Variants in TFEB observed in about 807,000 individuals in gnomAD.
TFEB encodes T-cell transcription factor EB.
In TFEB, 12 loss-of-function variants were observed where a neutral mutation model predicts 48.0. The observed-to-expected ratio is 0.25, with a 90% CI of 0.16 to 0.40. TFEB has a LOEUF of 0.40. Ranked by LOEUF, TFEB falls within the 10% of genes least tolerant of loss-of-function variation. The pLI, the probability that TFEB is intolerant of heterozygous loss-of-function variation, is 1.00. For synonymous variants in TFEB, 244 were observed against 261.4 expected, an observed-to-expected ratio of 0.93 and a Z score of 0.64; for missense variants, 509 against 640.3, an observed-to-expected ratio of 0.79 and a Z score of 2.21.
At position 41,734,569 on chromosome 6, in the gene TFEB, G is replaced by T. The variant is rs1220843982; in HGVS notation, c.-23+781C>A. On this transcript the variant is annotated intron_variant, in intron 1 of 8. Coordinates refer to ENST00000373033, the MANE Select transcript of TFEB (RefSeq NM_001271944.2). This position sits in a 1 kb window ranked among gnomAD's most constrained non-coding sequence, Gnocchi z 4.0. Reference sequence around the variant, plus strand: ...TTTTCCGGGATTCGGGACCGAGACGGGGGGAGGGGGAAACTCGGGGGGCGG... The same window carrying T: ...TTTTCCGGGATTCGGGACCGAGACGTGGGGAGGGGGAAACTCGGGGGGCGG... Among the ~76,000 whole-genome samples the T allele has an allele frequency of 4.7e-5, 7 of 147,776 alleles. No homozygotes were observed. The highest frequency in any genetic ancestry group is 1.5e-4 in the African/African-American group (6 of 40,042).
intron 1 of TFEB, among the ~76,000 whole-genome samples, chr6:41,701,944 C>CAAAAAAAAA (rs58971184): frequency 9.1e-6 from 1 of 109,692 alleles, no homozygotes; most frequent in African/African-American, 3.3e-5. Flanking sequence ...GGCTCCGTCT[C>CAAAAAAAAA]AAAAAAAAAA....
intron 1 of TFEB, chr6:41,733,853 T>C: frequency 1.0e-6 from 1 of 985,694 alleles, no homozygotes. Flanking sequence ...CATCCGCATC[T>C]GTCCACCCAG....
chr6:41,701,772 C>G (rs1769937514), intron 1 of TFEB, among the ~76,000 whole-genome samples: 1 of 151,852 alleles, frequency 6.6e-6, no homozygotes, highest in Admixed American at 6.6e-5. Context: ...TGGTGAAACC[C>G]TGTCTCTACT....
At chr6:41,711,777 A>G (rs968116005) in intron 1 of TFEB, among the ~76,000 whole-genome samples, 1 of 152,212 alleles carries the variant, frequency 6.6e-6, no homozygotes, top group Non-Finnish European at 1.5e-5. Flanking sequence ...CAAAAGGGTC[A>G]TGTCTGGGCA....
At position 41,687,896 on chromosome 6, in the gene TFEB, G is replaced by A; in HGVS notation, c.670+12C>T. ...GGGTATTCAAAGGCACAGGGGTAGA[G>A]GGAGGCAGTACCTGTGAGCTCTCGC... On this transcript the variant is annotated intron_variant, in intron 5 of 8. Coordinates refer to ENST00000373033, the MANE Select transcript of TFEB (RefSeq NM_001271944.2). 3 of 1,612,358 alleles carry A rather than the reference G, an allele frequency of 1.9e-6. No individual in the cohort carries two copies. Among genetic ancestry groups the A allele is most frequent in the South Asian group, 1.1e-5 (1 of 90,970 alleles).
At chr6:41,686,509 T>TTTC in intron 7 of TFEB, 1 of 38,234 alleles carries the variant, frequency 2.6e-5, no homozygotes, top group East Asian at 9.7e-4. Flanking sequence ...CCTACCTTTC[T>TTTC]TTTTTTTTTT....
intron 4 of TFEB, 91 bp downstream of exon 4, chr6:41,689,640 C>T: frequency 1.0e-6 from 1 of 981,550 alleles, no homozygotes; most frequent in South Asian, 1.4e-5. Flanking sequence ...CCAGTGAGAA[C>T]CCTGTCTCCA....
intron 1 of TFEB, among the ~76,000 whole-genome samples, chr6:41,707,213 C>T (rs1485598748): frequency 6.6e-6 from 1 of 152,206 alleles, no homozygotes; most frequent in East Asian, 1.9e-4. Context: ...CTGTTCTCCT[C>T]CCAACAACAC....
At chr6:41,716,975 G>A (rs968797992) in intron 1 of TFEB, among the ~76,000 whole-genome samples, 4 of 152,160 alleles carry the variant, frequency 2.6e-5, no homozygotes, top group Admixed American at 1.3e-4. Context: ...CCAGGTGACC[G>A]GCCACCCTCC....
intron 1 of TFEB, among the ~76,000 whole-genome samples, chr6:41,725,753 C>A (rs1027042344): frequency 6.6e-6 from 1 of 152,116 alleles, no homozygotes; most frequent in Non-Finnish European, 1.5e-5. Flanking sequence ...CAAACATACC[C>A]CAAAATTATA....
rs1771133408 is a variant in TFEB at position 41,724,696 on chromosome 6, T to C, written c.-23+10654A>G. ...AATACCTCTTATCACCCCCACAACC[T>C]TGGACTCCCATCCAGCTAAGGACAA... On this transcript the variant is annotated intron_variant, in intron 1 of 8. Transcript: ENST00000373033. This position sits in a 1 kb window ranked among gnomAD's most constrained non-coding sequence, Gnocchi z 4.4. Among the ~76,000 whole-genome samples the C allele has an allele frequency of 6.6e-6, 1 of 152,138 alleles. No homozygotes were observed. Among genetic ancestry groups the C allele is most frequent in the Admixed American group, 6.5e-5 (1 of 15,280 alleles).
chr6:41,694,647 C>T (rs1479565852), intron 1 of TFEB, among the ~76,000 whole-genome samples: 3 of 152,150 alleles, frequency 2.0e-5, no homozygotes, highest in Admixed American at 6.5e-5. Flanking sequence ...GGTCCACTCT[C>T]AGCCTCCCCT....
Position 41,735,412 on chromosome 6 carries a change from T to A in TFEB, c.-85A>T. 1.0e-6 allele frequency: 1 copy of A among 985,516 alleles called. No homozygotes were observed. Among genetic ancestry groups the A allele is most frequent in the South Asian group, 4.7e-5 (1 of 21,298 alleles). The allele number at this position is 985,516 out of a possible 1,614,324, so 61.0% of individuals were successfully genotyped here. On this transcript the variant is annotated 5_prime_UTR_variant, in exon 1 of 9. Transcript: ENST00000373033. ...CGCGGCTCCGGCAACTTGTCGCAAGTTCGGGTGCCTGGCCCGCAAGCTGTG... is the reference window on the plus strand; with the variant it reads ...CGCGGCTCCGGCAACTTGTCGCAAGATCGGGTGCCTGGCCCGCAAGCTGTG...
At chr6:41,712,202 C>T (rs766785217) in intron 1 of TFEB, among the ~76,000 whole-genome samples, 22 of 152,192 alleles carry the variant, frequency 1.4e-4, no homozygotes, top group Admixed American at 7.2e-4. Context: ...AATGAACCCC[C>T]ATGTTTCTCA....
rs1430624563 is a variant in TFEB, at chr6:41,724,652, T to G, written c.-23+10698A>C. Among the ~76,000 whole-genome samples, 2 of 152,088 alleles carry G rather than the reference T, an allele frequency of 1.3e-5. No individual in the cohort carries two copies. Among genetic ancestry groups the G allele is most frequent in the African/African-American group, 4.8e-5 (2 of 41,414 alleles). On this transcript the variant is annotated intron_variant, in intron 1 of 8. Coordinates refer to ENST00000373033, the MANE Select transcript of TFEB (RefSeq NM_001271944.2). This position sits in a 1 kb window ranked among gnomAD's most constrained non-coding sequence, Gnocchi z 4.4. ...GCCGCCCGAGACCTGCAATGGGGCC[T>G]CAGATAAGGAACATGATAAATACCT...
At chr6:41,701,936 C>A (rs1278300615) in intron 1 of TFEB, among the ~76,000 whole-genome samples, 1 of 137,296 alleles carries the variant, frequency 7.3e-6, no homozygotes, top group Non-Finnish European at 1.5e-5. Context: ...CAGAGCAAGG[C>A]TCCGTCTCAA....
chr6:41,702,182 T>C (rs1224855693), intron 1 of TFEB, among the ~76,000 whole-genome samples: 4 of 151,680 alleles, frequency 2.6e-5, no homozygotes, highest in Non-Finnish European at 4.4e-5. Context: ...CCTACAGAGG[T>C]TCCCCAGAGA....
intron 1 of TFEB, chr6:41,733,597 A>C (rs1581944384): frequency 1.0e-6 from 1 of 985,286 alleles, no homozygotes; most frequent in East Asian, 1.1e-4. Context: ...AGGCAGACGG[A>C]GAGAAGGGAG....
intron 1 of TFEB, among the ~76,000 whole-genome samples, chr6:41,721,807 A>G (rs1374834590): frequency 6.6e-6 from 1 of 152,204 alleles, no homozygotes; most frequent in African/African-American, 2.4e-5. Context: ...ACTGGCTCAG[A>G]CAGAGCTGAA....
Sources: allele counts gnomAD v4.1 joint callset (sites outside exome capture counted in the v4.1 genomes callset), GRCh38; gene constraint gnomAD v4.1.1; non-coding constraint Gnocchi (gnomAD v3.1); transcripts MANE v1.5; gene names NCBI Gene and HGNC (gene_info 2026-07-23, HGNC 2026-07-21).